The following ACSL6 variants were observed in gnomAD, a reference collection of about 807,000 sequenced individuals.
The protein encoded by ACSL6 is acyl-CoA synthetase long chain family member 6.
A neutral mutation model predicts 98.2 loss-of-function variants in ACSL6; 47 were observed. That is an observed-to-expected ratio of 0.48 (90% CI 0.38 to 0.61). ACSL6 has a LOEUF of 0.61. Among genes scored for constraint, ACSL6 ranks in the 20% least tolerant of loss-of-function variants. ACSL6 has a pLI of 0.00. For synonymous variants in ACSL6, 362 were observed against 336.9 expected, an observed-to-expected ratio of 1.07 and a Z score of -0.82; for missense variants, 761 against 913.4, an observed-to-expected ratio of 0.83 and a Z score of 2.15.
chr5:131,982,249 T>C (rs997756187), intron 9 of ACSL6: 12 of 146,356 alleles, frequency 8.2e-5, no homozygotes, highest in Middle Eastern at 3.6e-3. Context: ...GTTCACGCCA[T>C]TCTCCTGCCT....
upstream of ACSL6, chr5:132,011,754 C>G: frequency 7.7e-7 from 1 of 1,301,922 alleles, no homozygotes; most frequent in Non-Finnish European, 9.8e-7. The surrounding 1 kb of genome is among the most constrained non-coding windows in gnomAD (Gnocchi z 5.4). Flanking sequence ...GGCGCGCACT[C>G]GCAACCGAGC....
Position 131,952,039 on chromosome 5 carries a change from A to G in ACSL6, c.*2195T>C. The G allele has an allele frequency of 5.6e-6, 1 of 179,188 alleles. No individual in the cohort carries two copies. The highest frequency in any genetic ancestry group is 1.2e-5 in the Non-Finnish European group (1 of 83,570). The allele number at this position is 179,188 out of a possible 1,614,324, so 11.1% of individuals were successfully genotyped here. ...CAACTATGAATTTTAGTTGAGTAGG[A>G]GGACAATGGGAAACAGATTCTTTTT... On this transcript the variant is annotated 3_prime_UTR_variant, in exon 21 of 21. Coordinates refer to ENST00000651883, the MANE Select transcript of ACSL6 (RefSeq NM_001009185.3).
In ACSL6 at chr5:131,962,669, G is replaced by C. The variant is rs1254925992; in HGVS notation, c.1723C>G (p.Leu575Val). The C allele has an allele frequency of 6.2e-7, 1 of 1,613,912 alleles. No homozygotes were observed. Among genetic ancestry groups the C allele is most frequent in the Admixed American group, 1.7e-5 (1 of 59,994 alleles). Reference protein sequence around the residue: ...DIGKWLPAGTLKIIDRKKHIF... With the variant: ...DIGKWLPAGTVKIIDRKKHIF... ...TGCTTTTTCCGATCAATAATTTTAA[G>C]AGTTCCTGCCTGTAGAGTTGGACAA... The change falls in exon 18 of 21, where the codon CTT (leucine) becomes GTT (valine). Residue 575 changes from leucine to valine, a missense_variant. By Grantham distance (32) the Leu-to-Val change is conservative. Coordinates refer to ENST00000651883, the MANE Select transcript of ACSL6 (RefSeq NM_001009185.3).
In ACSL6 at chr5:131,970,228, A is replaced by G. The variant is rs369772357; in HGVS notation, c.1435-28T>C. 1.9e-4 allele frequency: 307 copies of G among 1,609,492 alleles called. 3 individuals are homozygous for G. The highest frequency in any genetic ancestry group is 2.0e-4 in the Non-Finnish European group (240 of 1,176,266). ...TCAAACAAAACACAGAAGCCACACTATGGGCACACACCCTCCAAGAGCTAA... is the reference window on the plus strand; with the variant it reads ...TCAAACAAAACACAGAAGCCACACTGTGGGCACACACCCTCCAAGAGCTAA... On this transcript the variant is annotated intron_variant, in intron 14 of 20. Coordinates refer to ENST00000651883, the MANE Select transcript of ACSL6 (RefSeq NM_001009185.3).
At chr5:131,970,660 C>T (rs541171727) in intron 14 of ACSL6, among the ~76,000 whole-genome samples, 4 of 152,212 alleles carry the variant, frequency 2.6e-5, no homozygotes, top group African/African-American at 9.6e-5. Context: ...CCACCCACCT[C>T]GGCCTCCCAA....
chr5:131,956,231 A>ATT (rs1191007286), intron 20 of ACSL6, among the ~76,000 whole-genome samples: 5 of 152,222 alleles, frequency 3.3e-5, no homozygotes, highest in Non-Finnish European at 1.5e-5. Flanking sequence ...AGAGGTATAT[A>ATT]ATGTCATTTA....
chr5:131,975,489 G>T, intron 10 of ACSL6: 1 of 985,474 alleles, frequency 1.0e-6, no homozygotes, highest in Non-Finnish European at 1.2e-6. Context: ...TCCTTGCAGA[G>T]AAAGGGGCCC....
intron 20 of ACSL6, among the ~76,000 whole-genome samples, chr5:131,955,616 G>T (rs1440545863): frequency 1.3e-5 from 2 of 152,174 alleles, no homozygotes. Context: ...GAGGTGCTTA[G>T]GAGGAAAAGT....
chr5:131,976,735 G>A lies in ACSL6; in HGVS notation c.917-14C>T. On this transcript the variant is annotated splice_polypyrimidine_tract_variant and intron_variant, in intron 9 of 20. Transcript: ENST00000651883. Reference sequence around the variant, plus strand: ...CTTTTGGGTTCCCTATAAAAAGAAAGCAAGAAGTCAAATTAGTTGGAAACT... The same window carrying A: ...CTTTTGGGTTCCCTATAAAAAGAAAACAAGAAGTCAAATTAGTTGGAAACT... 1 of 1,613,338 alleles carries A rather than the reference G, an allele frequency of 6.2e-7. No individual in the cohort carries two copies. The highest frequency in any genetic ancestry group is 8.5e-7 in the Non-Finnish European group (1 of 1,179,332).
chr5:131,997,067 C>G (rs11746140), intron 1 of ACSL6, among the ~76,000 whole-genome samples: 4,012 of 152,220 alleles, frequency 0.026, 138 homozygotes, highest in African/African-American at 0.079. Flanking sequence ...CACAAAATCT[C>G]ATACAAAGAT....
Position 131,983,592 on chromosome 5 carries a change from G to C in ACSL6, c.916+1815C>G, listed in dbSNP as rs184287577. ...CACACAAGGCTGATGTGCCCGACAAGAGGATGAGTACAAGAGGCACAGCAT... is the reference window on the plus strand; with the variant it reads ...CACACAAGGCTGATGTGCCCGACAACAGGATGAGTACAAGAGGCACAGCAT... On this transcript the variant is annotated intron_variant, in intron 9 of 20. Transcript: ENST00000651883. 4 of 152,390 alleles carry C rather than the reference G, an allele frequency of 2.6e-5. No homozygotes were observed. In the East Asian group the frequency reaches 7.7e-4, roughly 29 times the overall value. The allele number at this position is 152,390 out of a possible 1,614,324, so 9.4% of individuals were successfully genotyped here. A position where few individuals can be genotyped will look rare whatever the true frequency, so the allele number is the denominator to read the frequency against.
Position 131,989,498 on chromosome 5 carries a change from C to T in ACSL6, c.461G>A (p.Arg154Lys). 6.2e-7 allele frequency: 1 copy of T among 1,613,496 alleles called. No homozygotes were observed. The highest frequency in any genetic ancestry group is 2.2e-5 in the East Asian group (1 of 44,862). The change falls in exon 5 of 21, where the codon AGG becomes AAG. Residue 154 changes from arginine to lysine, a missense_variant. Arg to Lys is a conservative substitution (Grantham distance 26). Coordinates refer to ENST00000651883, the MANE Select transcript of ACSL6 (RefSeq NM_001009185.3). ...AAGTCCGGACCCCAGAAATTCAGCC[C>T]TGTCGGCCACCTGCACACAGATGTG... ...QWLSYQEVAD[R>K]AEFLGSGLLQ...
intron 11 of ACSL6, 22 bp from the exon 12 acceptor site, chr5:131,973,422 G>A (rs758844196): frequency 2.4e-5 from 38 of 1,612,664 alleles, no homozygotes; most frequent in Non-Finnish European, 3.0e-5. Context: ...GGACAGGAAG[G>A]GAGGAGTCCC....
chr5:131,962,832 G>A (rs900539987), intron 17 of ACSL6, among the ~76,000 whole-genome samples, 154 bp from the exon 18 acceptor site: 4 of 152,020 alleles, frequency 2.6e-5, no homozygotes, highest in Non-Finnish European at 2.9e-5. Flanking sequence ...GAGCTGCAGG[G>A]CTCCTGGAGA....
At chr5:132,003,694 C>T (rs1755217221) in intron 1 of ACSL6, 1 of 152,402 alleles carries the variant, frequency 6.6e-6, no homozygotes, top group East Asian at 1.9e-4. Flanking sequence ...GGGCGTTGTT[C>T]ACACTGACCC....
rs140830819 is a variant in ACSL6 at position 131,952,608 on chromosome 5, C to T, written c.*1626G>A. The T allele has an allele frequency of 1.9e-5, 4 of 212,492 alleles. No individual in the cohort carries two copies. The highest frequency in any genetic ancestry group is 6.8e-5 in the African/African-American group (3 of 44,230). 13.2% of individuals were successfully genotyped at this position (212,492 alleles called of 1,614,324 possible). On this transcript the variant is annotated 3_prime_UTR_variant, in exon 21 of 21. Coordinates refer to ENST00000651883, the MANE Select transcript of ACSL6 (RefSeq NM_001009185.3). Reference sequence around the variant, plus strand: ...GTCTTGTCTCTACAGAAGAAAAACACGTTCCTGGGGTCCATGCCTTTTTCA... The same window carrying T: ...GTCTTGTCTCTACAGAAGAAAAACATGTTCCTGGGGTCCATGCCTTTTTCA...
At chr5:131,960,748 G>T in intron 18 of ACSL6, 127 bp from the exon 19 acceptor site, 1 of 628,214 alleles carries the variant, frequency 1.6e-6, no homozygotes, top group South Asian at 2.3e-5. Context: ...TAAAACATTT[G>T]TTGATGTCAT....
At chr5:132,000,282 G>C (rs1178236082) in intron 1 of ACSL6, among the ~76,000 whole-genome samples, 5 of 152,148 alleles carry the variant, frequency 3.3e-5, no homozygotes, top group East Asian at 1.9e-4. Context: ...GATAGTGGCT[G>C]ATCTCCACCA....
At chr5:131,961,196 T>A (rs1352646441) in intron 18 of ACSL6, among the ~76,000 whole-genome samples, 2 of 151,964 alleles carry the variant, frequency 1.3e-5, no homozygotes, top group Non-Finnish European at 1.5e-5. Flanking sequence ...AGCTAATTTT[T>A]GTATTTTTTG....
Sources: allele counts gnomAD v4.1 joint callset (sites outside exome capture counted in the v4.1 genomes callset), GRCh38; gene constraint gnomAD v4.1.1; non-coding constraint Gnocchi (gnomAD v3.1); transcripts MANE v1.5; gene names NCBI Gene and HGNC (gene_info 2026-07-23, HGNC 2026-07-21).